The following SLIT3 variants were observed in gnomAD, a reference collection of about 807,000 sequenced individuals.
The protein encoded by SLIT3 is slit guidance ligand 3.
Under a neutral mutation model 184.0 loss-of-function variants are expected in SLIT3, and 68 were observed. The ratio of observed to expected loss-of-function variants is 0.37; its 90% CI spans 0.30 to 0.45. The LOEUF (loss-of-function observed/expected upper bound fraction) is 0.45, where lower values mean the gene tolerates loss of function less well. SLIT3 is among the 20% of genes least tolerant of loss of function. The probability of loss-of-function intolerance (pLI) is 1.00; values close to 1 mark genes in which losing one functional copy is unlikely to be tolerated. For missense variants in SLIT3, 1,707 were observed against 2,026.0 expected (o/e 0.84, Z 3.02); for synonymous variants, 831 against 828.6 (o/e 1.00, Z -0.05).
chr5:168,985,167 G>C (rs1277766991), intron 4 of SLIT3, among the ~76,000 whole-genome samples: 3 of 152,182 alleles, frequency 2.0e-5, no homozygotes, highest in Non-Finnish European at 1.5e-5. Flanking sequence ...GCACCTTGCA[G>C]GAAGAGTTCA....
chr5:169,269,307 G>C (rs1028542014), intron 1 of SLIT3, among the ~76,000 whole-genome samples: 8 of 152,318 alleles, frequency 5.3e-5, no homozygotes, highest in Middle Eastern at 3.4e-3. Flanking sequence ...CCACGCAACC[G>C]GCCTTGGCCC....
In SLIT3 at chr5:168,753,942, T is replaced by C. The variant is rs750234500; in HGVS notation, c.1751A>G (p.Gln584Arg). 5 of 1,611,720 alleles carry C rather than the reference T, an allele frequency of 3.1e-6. No homozygotes were observed. In the African/African-American group the frequency reaches 5.3e-5, roughly 17 times the overall value. Residue 584 changes from glutamine to arginine, a missense_variant, in exon 17 of 36, where the codon CAG becomes CGG. Physicochemically the swap from Gln to Arg is conservative, Grantham distance 43 (BLOSUM62 1). Coordinates refer to ENST00000519560, the MANE Select transcript of SLIT3 (RefSeq NM_003062.4). ...EGAFDGAASVQELMLTGNQLE... is the reference protein window; with the variant it reads ...EGAFDGAASVRELMLTGNQLE... ...CTGGTTCCCTGTCAGCATCAGCTCC[T>C]GCACGCTGGCTGCTCCATCGAAAGC...
intron 5 of SLIT3, among the ~76,000 whole-genome samples, chr5:168,861,695 G>T (rs1232981605): frequency 6.6e-6 from 1 of 152,162 alleles, no homozygotes; most frequent in African/African-American, 2.4e-5. Context: ...TGTACGGGTT[G>T]ACAGCAGGTT....
At chr5:169,085,992 C>T (rs1759278923) in intron 4 of SLIT3, among the ~76,000 whole-genome samples, 1 of 152,106 alleles carries the variant, frequency 6.6e-6, no homozygotes, top group Non-Finnish European at 1.5e-5. Flanking sequence ...TGAGGGCTCC[C>T]CAAATCACTT....
At chr5:168,812,757 G>A (rs1757203114) in intron 8 of SLIT3, among the ~76,000 whole-genome samples, 1 of 152,130 alleles carries the variant, frequency 6.6e-6, no homozygotes, top group African/African-American at 2.4e-5. Flanking sequence ...TTTTGGGAAT[G>A]GCTAAATAAA....
At chr5:168,698,738 G>A (rs1762131068) in intron 27 of SLIT3, among the ~76,000 whole-genome samples, 1 of 152,160 alleles carries the variant, frequency 6.6e-6, no homozygotes, top group African/African-American at 2.4e-5. Flanking sequence ...ATGCAGAAGA[G>A]TTTCCCTATT....
intron 4 of SLIT3, among the ~76,000 whole-genome samples, chr5:169,182,827 G>T (rs1043093043): frequency 5.9e-5 from 9 of 152,162 alleles, no homozygotes; most frequent in Non-Finnish European, 1.3e-4. Flanking sequence ...ATGAAGAATG[G>T]TATGGGTGAA....
chr5:168,963,370 C>T (rs993416796), intron 4 of SLIT3, among the ~76,000 whole-genome samples: 4 of 152,186 alleles, frequency 2.6e-5, no homozygotes, highest in African/African-American at 7.2e-5. Context: ...CAAGGTTTCT[C>T]CACGTTGGCC....
At chr5:168,802,439 A>T (rs909398536) in intron 9 of SLIT3, among the ~76,000 whole-genome samples, 3 of 152,118 alleles carry the variant, frequency 2.0e-5, no homozygotes, top group African/African-American at 7.2e-5. Context: ...TTAATTTTTC[A>T]GTTTCATTTT....
At chr5:168,842,536 G>A (rs1210341206) in intron 6 of SLIT3, among the ~76,000 whole-genome samples, 1 of 146,262 alleles carries the variant, frequency 6.8e-6, no homozygotes, top group Non-Finnish European at 1.5e-5. Context: ...GCAAGGGCTT[G>A]ATGGGGGTGA....
intron 6 of SLIT3, among the ~76,000 whole-genome samples, chr5:168,827,622 GT>G (rs889638745): frequency 3.3e-5 from 5 of 152,160 alleles, no homozygotes; most frequent in African/African-American, 9.6e-5. Context: ...GATCCTTAAT[GT>G]TGTCCCATGT....
chr5:168,959,488 G>A (rs1034641418), intron 4 of SLIT3, among the ~76,000 whole-genome samples: 2 of 152,284 alleles, frequency 1.3e-5, no homozygotes, highest in African/African-American at 2.4e-5. Flanking sequence ...CATTGTCTGC[G>A]TCTGTGCAGG....
At chr5:169,247,935 CAAG>C (rs1765652667) in intron 2 of SLIT3, among the ~76,000 whole-genome samples, 1 of 152,168 alleles carries the variant, frequency 6.6e-6, no homozygotes, top group Non-Finnish European at 1.5e-5. Flanking sequence ...TCAAGACCAT[CAAG>C]AAGTTTTTTG....
chr5:169,195,272 C>A (rs1206203877), intron 3 of SLIT3, among the ~76,000 whole-genome samples: 9 of 152,056 alleles, frequency 5.9e-5, no homozygotes, highest in Non-Finnish European at 8.8e-5. Flanking sequence ...GGTCTATGGA[C>A]AACAACTTTA....
intron 20 of SLIT3, among the ~76,000 whole-genome samples, chr5:168,733,557 G>C (rs1398544641): frequency 6.6e-6 from 1 of 152,096 alleles, no homozygotes; most frequent in East Asian, 1.9e-4. Context: ...ATCAACAGAG[G>C]ATTGGATAAA....
intron 3 of SLIT3, among the ~76,000 whole-genome samples, chr5:169,217,328 T>A (rs1236466310): frequency 2.0e-5 from 3 of 152,138 alleles, no homozygotes; most frequent in Admixed American, 6.6e-5. Flanking sequence ...TCTCCACTTG[T>A]AAGCAGGGCA....
intron 4 of SLIT3, among the ~76,000 whole-genome samples, chr5:169,036,848 T>C (rs1757271940): frequency 6.6e-6 from 1 of 152,204 alleles, no homozygotes; most frequent in Admixed American, 6.5e-5. Flanking sequence ...GACGACCTTC[T>C]TCCGGGACCA....
intron 4 of SLIT3, among the ~76,000 whole-genome samples, chr5:168,991,883 C>T (rs1169526364): frequency 6.6e-6 from 1 of 152,174 alleles, no homozygotes; most frequent in Non-Finnish European, 1.5e-5. Flanking sequence ...GACCCAGGAG[C>T]CTGGGGTGGG....
At chr5:168,832,857 G>A (rs1757925194) in intron 6 of SLIT3, among the ~76,000 whole-genome samples, 2 of 152,180 alleles carry the variant, frequency 1.3e-5, no homozygotes, top group South Asian at 4.1e-4. Context: ...CCTGGGGGCT[G>A]GATCTGGCTT....
Sources: allele counts gnomAD v4.1 joint callset (sites outside exome capture counted in the v4.1 genomes callset), GRCh38; gene constraint gnomAD v4.1.1; transcripts MANE v1.5; gene names NCBI Gene and HGNC (gene_info 2026-07-23, HGNC 2026-07-21).